Variants in MICAL2 observed in about 807,000 individuals in gnomAD.
MICAL2 encodes [F-actin]-monooxygenase MICAL2.
Under a neutral mutation model 127.3 loss-of-function variants are expected in MICAL2, and 77 were observed. That is an observed-to-expected ratio of 0.60 (90% confidence interval 0.50 to 0.73). The LOEUF (loss-of-function observed/expected upper bound fraction) is 0.73, where lower values mean the gene tolerates loss of function less well. MICAL2 is among the 30% of genes least tolerant of loss of function. MICAL2 has a pLI of 0.00. For missense variants in MICAL2, 1,351 were observed against 1,434.4 expected (o/e 0.94, Z 0.94); for synonymous variants, 570 against 551.1 (o/e 1.03, Z -0.48).
intron 15 of MICAL2, among the ~76,000 whole-genome samples, chr11:12,227,471 T>C (rs1192580019): frequency 6.6e-6 from 1 of 152,234 alleles, no homozygotes; most frequent in Non-Finnish European, 1.5e-5. Context: ...AGTTTAGATC[T>C]GGAACATGAC....
intron 1 of MICAL2, among the ~76,000 whole-genome samples, chr11:12,123,119 AAG>A (rs1850643668): frequency 6.6e-6 from 1 of 152,220 alleles, no homozygotes. Flanking sequence ...AAGAAAGAAA[AAG>A]AGCTGCCAAT....
chr11:12,242,084 A>G, intron 18 of MICAL2, 130 bp from the exon 19 acceptor site: 1 of 697,330 alleles, frequency 1.4e-6, no homozygotes, highest in Middle Eastern at 4.1e-4. Context: ...ACCTGGGGCT[A>G]GTTTGGAATC....
intron 3 of MICAL2, among the ~76,000 whole-genome samples, chr11:12,168,304 C>T (rs949614227): frequency 5.3e-5 from 8 of 151,144 alleles, no homozygotes; most frequent in African/African-American, 1.7e-4. Flanking sequence ...ACACACCATA[C>T]ACACATACAT....
chr11:12,330,931 G>T (rs965401354), intron 32 of MICAL2, among the ~76,000 whole-genome samples: 1 of 146,298 alleles, frequency 6.8e-6, no homozygotes, highest in African/African-American at 2.6e-5. Flanking sequence ...GTGTGTGTGT[G>T]TCTGTATGTG....
intron 1 of MICAL2, among the ~76,000 whole-genome samples, chr11:12,280,766 A>G (rs1250523061): frequency 6.6e-6 from 1 of 152,236 alleles, no homozygotes; most frequent in East Asian, 1.9e-4. Flanking sequence ...GTTTTCAGGA[A>G]TACAATTCAA....
chr11:12,355,833 A>G (rs1271334852), intron 34 of MICAL2, among the ~76,000 whole-genome samples: 1 of 152,214 alleles, frequency 6.6e-6, no homozygotes, highest in Non-Finnish European at 1.5e-5. Flanking sequence ...TCTTTATAGC[A>G]ACAGAATTCT....
At chr11:12,129,290 T>A (rs1446657072) in intron 1 of MICAL2, among the ~76,000 whole-genome samples, 1 of 152,214 alleles carries the variant, frequency 6.6e-6, no homozygotes, top group Non-Finnish European at 1.5e-5. Context: ...AAATGTCTGA[T>A]ATTTCCAAAG....
At chr11:12,215,897 C>G (rs539201101) in intron 7 of MICAL2, among the ~76,000 whole-genome samples, 1 of 152,204 alleles carries the variant, frequency 6.6e-6, no homozygotes, top group Non-Finnish European at 1.5e-5. Flanking sequence ...CCTGTCATTG[C>G]TGAGCTTCTG....
rs550690926 is a variant in MICAL2, at chr11:12,217,646, G to C, written c.948+1327G>C. On this transcript the variant is annotated intron_variant, in intron 8 of 27. Transcript: ENST00000683283. ...AGGCAGGCAAAGCTTGATGGGTTTT[G>C]TGTTTTGCAGAGCACCGTGGCCTCC... 4.7e-4 allele frequency among the ~76,000 whole-genome samples: 71 copies of C among 152,256 alleles called. 1 individual carries two copies. Among genetic ancestry groups the C allele is most frequent in the South Asian group, 1.9e-3 (9 of 4,824 alleles).
chr11:12,141,648 G>A (rs1852364288), intron 2 of MICAL2, among the ~76,000 whole-genome samples: 1 of 152,212 alleles, frequency 6.6e-6, no homozygotes, highest in African/African-American at 2.4e-5. Context: ...GGTATCAGAG[G>A]AAAATGGGAT....
intron 1 of MICAL2, among the ~76,000 whole-genome samples, chr11:12,119,700 G>C (rs715714): frequency 0.21 from 31,409 of 152,138 alleles, 3,510 homozygotes; most frequent in South Asian, 0.28. Context: ...TTTGGACTCA[G>C]GTGGGGCTTG....
At position 12,190,044 on chromosome 11, in the gene MICAL2, A is replaced by G. The variant is rs968736854; in HGVS notation, c.265-14206A>G. Among the ~76,000 whole-genome samples, 5 of 152,182 alleles carry G rather than the reference A, an allele frequency of 3.3e-5. No homozygotes were observed. In the South Asian group the frequency reaches 6.2e-4, roughly 19 times the overall value. On this transcript the variant is annotated intron_variant, in intron 3 of 27. Transcript: ENST00000683283. Reference sequence around the variant, plus strand: ...TTCAAAAACATTTTAATTACAAACCACTTTATGGTGTAAGGTGACCCACAT... The same window carrying G: ...TTCAAAAACATTTTAATTACAAACCGCTTTATGGTGTAAGGTGACCCACAT...
chr11:12,304,637 A>AACACACACACACACAT (rs1864086601), intron 29 of MICAL2, among the ~76,000 whole-genome samples: 2 of 128,838 alleles, frequency 1.6e-5, no homozygotes, highest in African/African-American at 3.2e-5. Flanking sequence ...CTCTGTCTCA[A>AACACACACACACACAT]ACACACACAC....
intron 29 of MICAL2, chr11:12,308,261 T>C (rs1864135378): frequency 1.3e-5 from 2 of 152,190 alleles, no homozygotes; most frequent in Admixed American, 1.3e-4. Flanking sequence ...ATGGCTGTTC[T>C]AGGTCTTTTG....
At chr11:12,313,117 G>A (rs1864193324) in intron 29 of MICAL2, among the ~76,000 whole-genome samples, 1 of 128,732 alleles carries the variant, frequency 7.8e-6, no homozygotes, top group Admixed American at 1.0e-4. Flanking sequence ...GCAGTGAGCC[G>A]AGATAGCACC....
intron 3 of MICAL2, among the ~76,000 whole-genome samples, chr11:12,182,487 A>G (rs1857598860): frequency 1.3e-5 from 2 of 152,198 alleles, no homozygotes; most frequent in Non-Finnish European, 1.5e-5. Flanking sequence ...TAGCGGCTTT[A>G]GCACACACGA....
downstream of MICAL2, among the ~76,000 whole-genome samples, chr11:12,264,480 T>C (rs1367250023): frequency 1.3e-5 from 2 of 152,198 alleles, no homozygotes; most frequent in African/African-American, 4.8e-5. Flanking sequence ...CTCACTTGGC[T>C]ATCCTGGGCA....
chr11:12,200,684 C>G (rs534997236), intron 3 of MICAL2, among the ~76,000 whole-genome samples: 1 of 152,186 alleles, frequency 6.6e-6, no homozygotes, highest in African/African-American at 2.4e-5. Context: ...ATTTCAGGCC[C>G]GAAATATGTA....
intron 19 of MICAL2, 28 bp downstream of exon 19, chr11:12,242,460 T>C (rs377195157): frequency 3.6e-4 from 574 of 1,579,490 alleles, no homozygotes; most frequent in Non-Finnish European, 3.9e-4. Context: ...TGCCCGTCTC[T>C]GTCCGTGTCT....
Sources: allele counts gnomAD v4.1 joint callset (sites outside exome capture counted in the v4.1 genomes callset), GRCh38; gene constraint gnomAD v4.1.1; transcripts MANE v1.5; gene names NCBI Gene and HGNC (gene_info 2026-07-23, HGNC 2026-07-21).